Variants in GPC5 observed in about 807,000 individuals in gnomAD.
GPC5 encodes the protein glypican-5.
In GPC5, 47 loss-of-function variants were observed where a neutral mutation model predicts 53.9. The observed-to-expected ratio is 0.87, with a 90% CI of 0.69 to 1.11. GPC5 has a LOEUF of 1.11. Among genes scored for constraint, GPC5 ranks in the 50% most tolerant of loss-of-function variants. The pLI is 0.00. For missense variants in GPC5, 748 were observed against 713.1 expected, an observed-to-expected ratio of 1.05 and a Z score of -0.56; for synonymous variants, 286 against 263.3, an observed-to-expected ratio of 1.09 and a Z score of -0.84.
chr13:91,935,486 C>A (rs2039861571), intron 6 of GPC5, among the ~76,000 whole-genome samples: 1 of 151,900 alleles, frequency 6.6e-6, no homozygotes, highest in Non-Finnish European at 1.5e-5. Flanking sequence ...TGGCCCTTTC[C>A]AAATATTGAA....
intron 7 of GPC5, among the ~76,000 whole-genome samples, chr13:92,203,455 G>A (rs2042309319): frequency 8.1e-6 from 1 of 124,212 alleles, no homozygotes; most frequent in Non-Finnish European, 1.6e-5. Context: ...CATGGACACA[G>A]GAAGGGGAAT....
intron 7 of GPC5, among the ~76,000 whole-genome samples, chr13:92,730,082 A>T (rs115887358): frequency 0.01 from 1,535 of 151,490 alleles, 26 homozygotes; most frequent in African/African-American, 0.034. Flanking sequence ...ATGAGGCTAT[A>T]TTATCTGATT....
chr13:92,083,722 G>A (rs909357329), intron 6 of GPC5, among the ~76,000 whole-genome samples: 7 of 152,092 alleles, frequency 4.6e-5, no homozygotes, highest in African/African-American at 1.7e-4. Context: ...TGGGCCAAAT[G>A]GCATTTCTGC....
chr13:92,400,082 C>T (rs909822633), intron 7 of GPC5, among the ~76,000 whole-genome samples: 2 of 152,130 alleles, frequency 1.3e-5, no homozygotes, highest in Non-Finnish European at 2.9e-5. Context: ...CGTGAATTGC[C>T]TCTTGCTACA....
chr13:92,610,906 T>A (rs1325024878), intron 7 of GPC5, among the ~76,000 whole-genome samples: 1 of 151,946 alleles, frequency 6.6e-6, no homozygotes, highest in African/African-American at 2.4e-5. Flanking sequence ...ATATGGGGAT[T>A]TACAATTCGA....
intron 2 of GPC5, among the ~76,000 whole-genome samples, chr13:91,513,359 T>C (rs567483146): frequency 1.7e-3 from 257 of 149,680 alleles, no homozygotes; most frequent in African/African-American, 6.2e-3. Flanking sequence ...TTCATTTGTG[T>C]GTGTGTGTGT....
At chr13:92,805,533 C>G (rs1270811211) in intron 7 of GPC5, among the ~76,000 whole-genome samples, 1 of 152,030 alleles carries the variant, frequency 6.6e-6, no homozygotes, top group East Asian at 1.9e-4. Flanking sequence ...ACAATCTGAA[C>G]TCAAGCAATC....
At chr13:92,207,643 A>G (rs2042347027) in intron 7 of GPC5, among the ~76,000 whole-genome samples, 1 of 152,158 alleles carries the variant, frequency 6.6e-6, no homozygotes, top group Non-Finnish European at 1.5e-5. Context: ...GAGACATATA[A>G]TCCAGCCCTT....
chr13:91,548,250 T>A (rs1339478951), intron 2 of GPC5, among the ~76,000 whole-genome samples: 3 of 152,200 alleles, frequency 2.0e-5, no homozygotes. Context: ...CTGGAACTAA[T>A]AATCAATTAT....
intron 7 of GPC5, among the ~76,000 whole-genome samples, chr13:92,203,055 C>A (rs1210588045): frequency 6.6e-6 from 1 of 152,038 alleles, no homozygotes; most frequent in East Asian, 1.9e-4. Flanking sequence ...AATATTCACC[C>A]CCATAGAACT....
At chr13:91,756,252 G>C (rs746660945) in intron 4 of GPC5, 43 bp from the exon 5 acceptor site, 9 of 1,429,058 alleles carry the variant, frequency 6.3e-6, no homozygotes, top group Non-Finnish European at 8.4e-6. Flanking sequence ...GGCCTTTATT[G>C]TGGATGTTTG....
At chr13:91,970,271 C>T (rs959920360) in intron 6 of GPC5, among the ~76,000 whole-genome samples, 20 of 151,810 alleles carry the variant, frequency 1.3e-4, no homozygotes, top group African/African-American at 2.2e-4. Flanking sequence ...TGCCAGGGCC[C>T]GGGGATGGAA....
chr13:91,823,953 G>A (rs1271863316), intron 5 of GPC5, among the ~76,000 whole-genome samples: 2 of 152,156 alleles, frequency 1.3e-5, no homozygotes, highest in African/African-American at 2.4e-5. Flanking sequence ...ATATCAATAT[G>A]GTTGGTGTTG....
At chr13:91,715,798 CTCTG>C (rs2036325166) in intron 3 of GPC5, among the ~76,000 whole-genome samples, 1 of 148,244 alleles carries the variant, frequency 6.7e-6, no homozygotes, top group East Asian at 2.0e-4. Flanking sequence ...CTCTCTCTCT[CTCTG>C]TGTGTGTGTC....
chr13:92,848,661 A>G (rs1878689070), intron 7 of GPC5, among the ~76,000 whole-genome samples: 1 of 152,152 alleles, frequency 6.6e-6, no homozygotes, highest in Non-Finnish European at 1.5e-5. Context: ...GTGTGTCTAT[A>G]TATATCTTAA....
At chr13:92,188,051 CT>C (rs574726360) in intron 7 of GPC5, among the ~76,000 whole-genome samples, 12 of 151,572 alleles carry the variant, frequency 7.9e-5, no homozygotes, top group East Asian at 3.9e-4. Context: ...CCTACTTTGG[CT>C]TTTTTTTTCT....
intron 7 of GPC5, among the ~76,000 whole-genome samples, chr13:92,403,669 T>C (rs1324686587): frequency 2.0e-5 from 3 of 152,208 alleles, no homozygotes; most frequent in Non-Finnish European, 4.4e-5. Flanking sequence ...ACCACTGTGC[T>C]AAAGCATTCT....
chr13:92,068,715 A>AAT (rs1374734138), intron 6 of GPC5, among the ~76,000 whole-genome samples: 1 of 151,600 alleles, frequency 6.6e-6, no homozygotes, highest in Non-Finnish European at 1.5e-5. Flanking sequence ...TCATATTGTT[A>AAT]ATATAGTTAA....
chr13:91,655,403 G>T (rs1436341993), intron 2 of GPC5, among the ~76,000 whole-genome samples: 1 of 151,982 alleles, frequency 6.6e-6, no homozygotes, highest in Non-Finnish European at 1.5e-5. Flanking sequence ...GTTATAATTA[G>T]TTAAGTTGTA....
Sources: allele counts gnomAD v4.1 joint callset (sites outside exome capture counted in the v4.1 genomes callset), GRCh38; gene constraint gnomAD v4.1.1; transcripts MANE v1.5; gene names NCBI Gene and HGNC (gene_info 2026-07-23, HGNC 2026-07-21).